Variants in SHB observed in about 807,000 individuals in gnomAD.
The protein encoded by SHB is SH2 domain-containing adapter protein B.
SHB carries 20 observed loss-of-function variants against 52.3 expected under a neutral mutation model. The ratio of observed to expected loss-of-function variants is 0.38; its 90% CI spans 0.27 to 0.56. The LOEUF (loss-of-function observed/expected upper bound fraction) is 0.56. SHB is among the 20% of genes least tolerant of loss of function. SHB has a pLI of 0.71. For missense variants in SHB, 825 were observed against 723.3 expected (o/e 1.14, Z -1.61); for synonymous variants, 397 against 316.5 (o/e 1.25, Z -2.70).
At chr9:37,961,301 C>A (rs914134207) in intron 3 of SHB, among the ~76,000 whole-genome samples, 5 of 152,190 alleles carry the variant, frequency 3.3e-5, no homozygotes, top group African/African-American at 1.2e-4. Flanking sequence ...CCCTAACTCA[C>A]AGAAGTTTCA....
chr9:37,941,552 C>A (rs1456531554), intron 5 of SHB, among the ~76,000 whole-genome samples: 2 of 152,230 alleles, frequency 1.3e-5, no homozygotes, highest in African/African-American at 4.8e-5. Flanking sequence ...AGGGCCCCTG[C>A]AACCACTGCT....
chr9:38,041,734 G>A (rs1174767878), intron 1 of SHB, among the ~76,000 whole-genome samples: 1 of 152,130 alleles, frequency 6.6e-6, no homozygotes, highest in African/African-American at 2.4e-5. Context: ...CTTATGCTTT[G>A]ACAGGAGGGA....
At chr9:37,979,334 A>G (rs1820693580) in intron 2 of SHB, among the ~76,000 whole-genome samples, 1 of 152,264 alleles carries the variant, frequency 6.6e-6, no homozygotes, top group Admixed American at 6.5e-5. Context: ...CTACATACAT[A>G]GAAAGAAAAG....
At chr9:38,012,433 C>A (rs1196073469) in intron 2 of SHB, among the ~76,000 whole-genome samples, 1 of 152,112 alleles carries the variant, frequency 6.6e-6, no homozygotes, top group Non-Finnish European at 1.5e-5. Flanking sequence ...GGTGAGGACC[C>A]AGTTAAGAAC....
At position 38,068,848 on chromosome 9, in the gene SHB, C is replaced by T. The variant is rs2118216090; in HGVS notation, c.-203G>A. On this transcript the variant is annotated 5_prime_UTR_variant, in exon 1 of 6. Transcript: ENST00000377707. ...CTGGCTCCGGCGGCTGCAACACCTC[C>T]CTCCGCCTAGCGCCGCCCAAGCTAG... 2 of 156,854 alleles carry T rather than the reference C, an allele frequency of 1.3e-5. No homozygotes were observed. Among genetic ancestry groups the T allele is most frequent in the South Asian group, 4.1e-4 (2 of 4,880 alleles). 9.7% of individuals were successfully genotyped at this position (156,854 alleles called of 1,614,324 possible).
At chr9:37,986,915 G>A (rs561331485) in intron 2 of SHB, among the ~76,000 whole-genome samples, 3 of 152,324 alleles carry the variant, frequency 2.0e-5, no homozygotes, top group South Asian at 4.1e-4. Flanking sequence ...AAGGGCCAGC[G>A]CCCCACACAC....
rs56378861 is a variant in SHB, at chr9:38,013,474, C to T, written c.838+2537G>A. 3.4e-3 allele frequency among the ~76,000 whole-genome samples: 524 copies of T among 152,306 alleles called. 2 individuals are homozygous for T. Among genetic ancestry groups the T allele is most frequent in the Middle Eastern group, 0.027 (8 of 294 alleles). ...AGAAAATTAGCCTGGCACGGTGGCA[C>T]GTGCCTATGGTCTCAACTACTCAGG... On this transcript the variant is annotated intron_variant, in intron 2 of 5. Coordinates refer to ENST00000377707, the MANE Select transcript of SHB (RefSeq NM_003028.3).
chr9:37,942,285 G>A (rs1832443555), intron 5 of SHB, among the ~76,000 whole-genome samples: 1 of 152,218 alleles, frequency 6.6e-6, no homozygotes, highest in Non-Finnish European at 1.5e-5. Flanking sequence ...AAGGACAGGA[G>A]GCAAGTTCTT....
At chr9:37,926,870 C>A (rs1832256676) in intron 5 of SHB, among the ~76,000 whole-genome samples, 4 of 152,230 alleles carry the variant, frequency 2.6e-5, no homozygotes, top group African/African-American at 7.2e-5. Context: ...AACAGTCCAC[C>A]TCTGTGGTCC....
intron 3 of SHB, among the ~76,000 whole-genome samples, chr9:37,974,220 C>T (rs1411057206): frequency 6.6e-6 from 1 of 152,194 alleles, no homozygotes; most frequent in East Asian, 1.9e-4. Flanking sequence ...CGCATCACTG[C>T]ACTCCAGCCT....
chr9:38,054,025 G>GA (rs146865176), intron 1 of SHB, among the ~76,000 whole-genome samples: 1,781 of 152,284 alleles, frequency 0.012, 31 homozygotes, highest in African/African-American at 0.041. Context: ...GAATGGTCAG[G>GA]AAACACCATC....
rs116662046 is a variant in SHB, at chr9:37,928,509, A to T, written c.1347-8505T>A. Among the ~76,000 whole-genome samples, 1,300 of 152,314 alleles carry T rather than the reference A, an allele frequency of 8.5e-3. 18 individuals are homozygous for T. The highest frequency in any genetic ancestry group is 0.03 in the African/African-American group (1,232 of 41,558). ...GGTACATAGGTGCTACTGGCATCTAAGTAAGAGGAGGCCAGGGACGCTGCT... is the reference window on the plus strand; with the variant it reads ...GGTACATAGGTGCTACTGGCATCTATGTAAGAGGAGGCCAGGGACGCTGCT... On this transcript the variant is annotated intron_variant, in intron 5 of 5. Transcript: ENST00000377707.
At position 38,068,240 on chromosome 9, in the gene SHB, C is replaced by A; in HGVS notation, c.406G>T (p.Ala136Ser). 7.1e-7 allele frequency: 1 copy of A among 1,398,858 alleles called. No homozygotes were observed. The highest frequency in any genetic ancestry group is 9.2e-7 in the Non-Finnish European group (1 of 1,088,670). 86.7% of individuals were successfully genotyped at this position (1,398,858 alleles called of 1,614,324 possible). ...RAFSASSASG[A>S]AGCCCASSGA... The stretch of plus-strand genomic sequence containing the variant: ...GAGGAGGCGCAGCAACAGCCCGCGG[C>A]GCCCGACGCGGACGAGGCCGAGAAG... The change falls in exon 1 of 6, where the codon GCC (alanine) becomes TCC (serine). Residue 136 changes from alanine (A) to serine (S), a missense_variant. Coordinates refer to ENST00000377707, the MANE Select transcript of SHB (RefSeq NM_003028.3).
chr9:37,981,410 G>A (rs1470687558), intron 2 of SHB, among the ~76,000 whole-genome samples: 1 of 152,206 alleles, frequency 6.6e-6, no homozygotes, highest in Non-Finnish European at 1.5e-5. Flanking sequence ...AGCCTTCACA[G>A]AATTGAAGAG....
In SHB at chr9:38,014,152, C is replaced by T. The variant is rs551686364; in HGVS notation, c.838+1859G>A. The stretch of plus-strand genomic sequence containing the variant: ...TGTGCGTCCTCAAGCAAGTCTCTGT[C>T]CCCCCCGCCCCAACCTCAGTTTCCC... On this transcript the variant is annotated intron_variant, in intron 2 of 5. Coordinates refer to ENST00000377707, the MANE Select transcript of SHB (RefSeq NM_003028.3). 6.0e-5 allele frequency among the ~76,000 whole-genome samples: 9 copies of T among 149,758 alleles called. No homozygotes were observed. The South Asian group carries it at 9.0e-4, about 15-fold the overall frequency.
intron 2 of SHB, among the ~76,000 whole-genome samples, chr9:37,993,046 G>T (rs188737315): frequency 4.6e-5 from 7 of 152,160 alleles, no homozygotes; most frequent in Non-Finnish European, 7.3e-5. Flanking sequence ...AGGAGTTAGC[G>T]GCAGGCGAGG....
At chr9:37,973,529 ATT>A in intron 3 of SHB, among the ~76,000 whole-genome samples, 1 of 152,262 alleles carries the variant, frequency 6.6e-6, no homozygotes, top group South Asian at 2.1e-4. Context: ...GGCCTTCTGA[ATT>A]TTTTATCATA....
chr9:37,923,001 T>C (rs1225037241), intron 5 of SHB, among the ~76,000 whole-genome samples: 1 of 152,212 alleles, frequency 6.6e-6, no homozygotes, highest in Non-Finnish European at 1.5e-5. Flanking sequence ...AGTCCTGCTT[T>C]CACTGGGGCA....
chr9:37,965,598 ACGGAGT>A (rs1303505360), intron 3 of SHB, among the ~76,000 whole-genome samples: 35 of 145,204 alleles, frequency 2.4e-4, no homozygotes, highest in African/African-American at 9.0e-4. Context: ...TTTTCTCGAG[ACGGAGT>A]CTCACTCTGT....
Sources: allele counts gnomAD v4.1 joint callset (sites outside exome capture counted in the v4.1 genomes callset), GRCh38; gene constraint gnomAD v4.1.1; transcripts MANE v1.5; gene names NCBI Gene and HGNC (gene_info 2026-07-23, HGNC 2026-07-21).